The following LRTM1 variants were observed in gnomAD, a reference collection of about 807,000 sequenced individuals.
LRTM1 encodes leucine rich repeat transmembrane protein 1, also known as leucine-rich repeat and transmembrane domain-containing protein 1.
LRTM1 carries 38 observed loss-of-function variants against 32.4 expected under a neutral mutation model. The ratio of observed to expected loss-of-function variants is 1.17; its 90% CI spans 0.91 to 1.54. The LOEUF is 1.54. LRTM1 is among the 40% of genes most tolerant of loss of function. The pLI is 0.00. For missense variants in LRTM1, 466 were observed against 415.4 expected, an observed-to-expected ratio of 1.12 and a Z score of -1.06; for synonymous variants, 186 against 169.9, an observed-to-expected ratio of 1.09 and a Z score of -0.74.
intron 1 of LRTM1, among the ~76,000 whole-genome samples, chr3:54,945,372 A>G (rs965793560): frequency 6.6e-6 from 1 of 152,180 alleles, no homozygotes; most frequent in South Asian, 2.1e-4. Context: ...AAAGTGGCCA[A>G]GTAGGGCCAC....
chr3:54,933,272 A>G (rs752981909), intron 1 of LRTM1, among the ~76,000 whole-genome samples: 1 of 152,248 alleles, frequency 6.6e-6, no homozygotes, highest in Non-Finnish European at 1.5e-5. Context: ...TATTAAAATT[A>G]TGCTATTTTA....
At chr3:54,964,610 G>C (rs1702101084) in intron 1 of LRTM1, among the ~76,000 whole-genome samples, 1 of 152,092 alleles carries the variant, frequency 6.6e-6, no homozygotes. Context: ...GGGAGAGAGT[G>C]GGACTCACTG....
At position 54,943,711 on chromosome 3, in the gene LRTM1, T is replaced by C. The variant is rs535864214; in HGVS notation, c.-221-18496A>G. ...ACTACTATTTTCTAAATGTTTGGTATTTCTGCCTATTTCATCTTGCTTTGG... is the reference window on the plus strand; with the variant it reads ...ACTACTATTTTCTAAATGTTTGGTACTTCTGCCTATTTCATCTTGCTTTGG... On this transcript the variant is annotated intron_variant, in intron 1 of 2. Transcript: ENST00000493075. 4.6e-5 allele frequency among the ~76,000 whole-genome samples: 7 copies of C among 152,296 alleles called. No homozygotes were observed. In the South Asian group the frequency reaches 8.3e-4, roughly 18 times the overall value.
intron 2 of LRTM1, among the ~76,000 whole-genome samples, chr3:54,922,535 T>C (rs1040598632): frequency 9.9e-5 from 15 of 152,158 alleles, no homozygotes; most frequent in African/African-American, 3.6e-4. Flanking sequence ...TGGATATTGA[T>C]TATGTAATTT....
chr3:54,959,917 T>C (rs1701990525), intron 1 of LRTM1, among the ~76,000 whole-genome samples: 1 of 152,102 alleles, frequency 6.6e-6, no homozygotes, highest in Non-Finnish European at 1.5e-5. Flanking sequence ...CCAGATTACC[T>C]CAAGGGTGAA....
Position 54,959,886 on chromosome 3 carries a change from A to G in LRTM1, c.-222+7042T>C, listed in dbSNP as rs570447586. 3.3e-5 allele frequency among the ~76,000 whole-genome samples: 5 copies of G among 152,336 alleles called. No individual in the cohort carries two copies. The South Asian group carries it at 1.0e-3, about 32-fold the overall frequency. On this transcript the variant is annotated intron_variant, in intron 1 of 2. Coordinates refer to the LRTM1 transcript ENST00000493075. ...GCTGAGGGAATATAGGTTTCTTCAG[A>G]TGAAGTCTGGAAAAATGCTTCCAGA...
chr3:54,962,958 T>C (rs1241701695), intron 1 of LRTM1, among the ~76,000 whole-genome samples: 1 of 152,230 alleles, frequency 6.6e-6, no homozygotes, highest in East Asian at 1.9e-4. Context: ...TAATTTTATA[T>C]GTTTTATTTC....
At chr3:54,937,402 T>C (rs1383938713) in intron 1 of LRTM1, among the ~76,000 whole-genome samples, 1 of 152,152 alleles carries the variant, frequency 6.6e-6, no homozygotes, top group African/African-American at 2.4e-5. Context: ...CAGCAATCTG[T>C]GCTTGCACCA....
At chr3:54,939,447 G>C (rs1221714508) in intron 1 of LRTM1, among the ~76,000 whole-genome samples, 1 of 152,196 alleles carries the variant, frequency 6.6e-6, no homozygotes, top group Non-Finnish European at 1.5e-5. Context: ...GTGGAGAAAT[G>C]CAAAAGAAGG....
At chr3:54,942,042 T>A (rs981925518) in intron 1 of LRTM1, among the ~76,000 whole-genome samples, 9 of 152,326 alleles carry the variant, frequency 5.9e-5, no homozygotes, top group African/African-American at 2.2e-4. Flanking sequence ...TTCTTTCTTG[T>A]AAAAATGCGT....
upstream of LRTM1, among the ~76,000 whole-genome samples, chr3:54,928,463 C>G (rs1211233370): frequency 1.3e-5 from 2 of 152,116 alleles, no homozygotes; most frequent in African/African-American, 4.8e-5. Flanking sequence ...GCAGAGCCCG[C>G]AGAGTGTGTA....
intron 2 of LRTM1, among the ~76,000 whole-genome samples, chr3:54,923,453 C>T (rs1700911375): frequency 6.6e-6 from 1 of 152,202 alleles, no homozygotes; most frequent in Non-Finnish European, 1.5e-5. Context: ...GAGACATCTT[C>T]CCATCCATCC....
intron 2 of LRTM1, among the ~76,000 whole-genome samples, chr3:54,923,886 C>T (rs957886468): frequency 6.6e-6 from 1 of 152,208 alleles, no homozygotes; most frequent in Non-Finnish European, 1.5e-5. Context: ...GCCCCTGTCA[C>T]AACTACTCTG....
At chr3:54,954,124 G>A (rs759297207) in intron 1 of LRTM1, among the ~76,000 whole-genome samples, 7 of 152,260 alleles carry the variant, frequency 4.6e-5, no homozygotes, top group Non-Finnish European at 1.0e-4. Flanking sequence ...AGAGAGAGGG[G>A]GTTATTTAAT....
intron 1 of LRTM1, among the ~76,000 whole-genome samples, chr3:54,954,310 A>G (rs1701828267): frequency 1.3e-5 from 2 of 152,176 alleles, no homozygotes; most frequent in Admixed American, 1.3e-4. Context: ...ACACTTCCCC[A>G]CTGAGTTGTC....
chr3:54,921,957 G>A (rs1700864865), intron 2 of LRTM1, among the ~76,000 whole-genome samples: 2 of 149,936 alleles, frequency 1.3e-5, no homozygotes, highest in Non-Finnish European at 3.0e-5. Context: ...CCCTTATTTT[G>A]CCTGTATTCA....
chr3:54,944,459 C>T (rs1005581036), intron 1 of LRTM1, among the ~76,000 whole-genome samples: 1 of 151,840 alleles, frequency 6.6e-6, no homozygotes, highest in Non-Finnish European at 1.5e-5. Flanking sequence ...CTCGCTCTGT[C>T]GCCCAGGCTG....
At chr3:54,926,296 A>G (rs1320453552) in intron 1 of LRTM1, among the ~76,000 whole-genome samples, 1 of 152,194 alleles carries the variant, frequency 6.6e-6, no homozygotes, top group African/African-American at 2.4e-5. Context: ...TTCCATTATT[A>G]TCCCCATTTG....
intron 1 of LRTM1, among the ~76,000 whole-genome samples, chr3:54,951,543 C>T (rs1292573121): frequency 1.3e-5 from 2 of 152,220 alleles, no homozygotes; most frequent in South Asian, 2.1e-4. Context: ...TCTCTACAGA[C>T]TTCCAGAACA....
Sources: gnomAD v4.1 joint callset for allele counts (sites outside exome capture counted in the v4.1 genomes callset) on GRCh38, gnomAD v4.1.1 for gene constraint, MANE v1.5 for transcripts, NCBI Gene and HGNC (gene_info 2026-07-23, HGNC 2026-07-21) for gene names.